Variants in NDNF observed in about 807,000 individuals in gnomAD.
The protein encoded by NDNF is protein NDNF.
NDNF carries 16 observed loss-of-function variants against 42.0 expected under a neutral mutation model. That is an observed-to-expected ratio of 0.38 (90% confidence interval 0.26 to 0.58). The LOEUF (loss-of-function observed/expected upper bound fraction) is 0.58. Among genes scored for constraint, NDNF ranks in the 20% least tolerant of loss-of-function variants. NDNF has a pLI of 0.67. For synonymous variants in NDNF, 248 were observed against 251.7 expected (o/e 0.99, Z 0.14); for missense variants, 616 against 666.2 (o/e 0.92, Z 0.83).
At chr4:121,056,450 T>C (rs541682157) in intron 1 of NDNF, among the ~76,000 whole-genome samples, 1 of 152,316 alleles carries the variant, frequency 6.6e-6, no homozygotes, top group South Asian at 2.1e-4. Context: ...TGTTAAATGC[T>C]CACTAAATAC....
intron 2 of NDNF, among the ~76,000 whole-genome samples, chr4:121,041,314 A>C (rs1726993562): frequency 6.6e-6 from 1 of 152,188 alleles, no homozygotes; most frequent in South Asian, 2.1e-4. Flanking sequence ...GATTCCATGC[A>C]GAGAAAAGCA....
chr4:121,046,917 CCT>C (rs748619894), intron 1 of NDNF, among the ~76,000 whole-genome samples: 1 of 151,794 alleles, frequency 6.6e-6, no homozygotes, highest in Non-Finnish European at 1.5e-5. Flanking sequence ...ATTTTTTTTT[CCT>C]CACAGAAAGA....
chr4:121,066,375 T>C (rs551148512), intron 1 of NDNF, among the ~76,000 whole-genome samples: 7 of 152,228 alleles, frequency 4.6e-5, no homozygotes, highest in South Asian at 4.2e-4. Context: ...ATATTTCTAA[T>C]ATATAAATTA....
At chr4:121,042,430 CAAAT>C (rs1727014363) in intron 2 of NDNF, among the ~76,000 whole-genome samples, 1 of 152,200 alleles carries the variant, frequency 6.6e-6, no homozygotes, top group Non-Finnish European at 1.5e-5. Context: ...TGTGGGCAGA[CAAAT>C]AAAGTGAAGA....
At chr4:121,054,066 A>AT (rs1266004630) in intron 1 of NDNF, among the ~76,000 whole-genome samples, 2 of 152,172 alleles carry the variant, frequency 1.3e-5, no homozygotes, top group Non-Finnish European at 2.9e-5. Context: ...TAAAAATTTG[A>AT]TTTTTTATAG....
At chr4:121,049,780 C>A (rs1316261880) in intron 1 of NDNF, among the ~76,000 whole-genome samples, 1 of 152,156 alleles carries the variant, frequency 6.6e-6, no homozygotes, top group Non-Finnish European at 1.5e-5. Flanking sequence ...ATTTCCCAAA[C>A]TAAAATTCCA....
In NDNF at chr4:121,044,485, A is replaced by G. The variant is rs1391774647; in HGVS notation, c.188+1165T>C. Among the ~76,000 whole-genome samples, 4 of 151,052 alleles carry G rather than the reference A, an allele frequency of 2.6e-5. No homozygotes were observed. In the East Asian group the frequency reaches 7.7e-4, roughly 29 times the overall value. On this transcript the variant is annotated intron_variant, in intron 2 of 3. Coordinates refer to ENST00000379692, the MANE Select transcript of NDNF (RefSeq NM_024574.4). ...AAAATAGGTAACTTTAAATGTAATTAATTTATAACATATTATTTTTATTTT... is the reference window on the plus strand; with the variant it reads ...AAAATAGGTAACTTTAAATGTAATTGATTTATAACATATTATTTTTATTTT...
intron 2 of NDNF, among the ~76,000 whole-genome samples, chr4:121,044,920 C>G (rs777677250): frequency 2.6e-5 from 4 of 152,184 alleles, no homozygotes; most frequent in East Asian, 3.8e-4. Flanking sequence ...GAGCCATGAC[C>G]GTGCTACTGC....
intron 1 of NDNF, among the ~76,000 whole-genome samples, chr4:121,051,372 A>G (rs1727191175): frequency 1.3e-5 from 2 of 152,192 alleles, no homozygotes; most frequent in Non-Finnish European, 2.9e-5. Flanking sequence ...TTTCTTTAGC[A>G]TTAATTTAAA....
chr4:121,057,097 T>TAA (rs1339445395), intron 1 of NDNF, among the ~76,000 whole-genome samples: 1 of 151,994 alleles, frequency 6.6e-6, no homozygotes, highest in Non-Finnish European at 1.5e-5. Context: ...ATAAGAGGGA[T>TAA]GAAAAACAAG....
intron 1 of NDNF, among the ~76,000 whole-genome samples, chr4:121,047,997 G>A (rs1308802007): frequency 6.6e-6 from 1 of 152,214 alleles, no homozygotes; most frequent in East Asian, 1.9e-4. Context: ...GGACATGGTG[G>A]ACTGACCTGA....
At chr4:121,051,108 T>G (rs1048324368) in intron 1 of NDNF, among the ~76,000 whole-genome samples, 1 of 152,114 alleles carries the variant, frequency 6.6e-6, no homozygotes, top group African/African-American at 2.4e-5. Context: ...GAGGAAACTT[T>G]TAAATATAAA....
Position 121,039,990 on chromosome 4 carries a change from G to A in NDNF, c.253C>T (p.Pro85Ser). 6.2e-7 allele frequency: 1 copy of A among 1,614,012 alleles called. No individual in the cohort carries two copies. Reference sequence around the variant, plus strand: ...TGGAGGCTCAGCTTCCACTCCAAAGGCGCATCACAGGGCGTCACTGTGACT... The same window carrying A: ...TGGAGGCTCAGCTTCCACTCCAAAGACGCATCACAGGGCGTCACTGTGACT... ...LSVTVTPCDA[P>S]LEWKLSLQEL... The change falls in exon 3 of 4, where the codon CCT (proline) becomes TCT (serine). Residue 85 changes from proline (P) to serine (S), a missense_variant. By Grantham distance (74) the Pro-to-Ser change is moderately conservative. Coordinates refer to ENST00000379692, the MANE Select transcript of NDNF (RefSeq NM_024574.4).
chr4:121,065,221 A>G (rs542082858), intron 1 of NDNF, among the ~76,000 whole-genome samples: 1 of 152,228 alleles, frequency 6.6e-6, no homozygotes, highest in African/African-American at 2.4e-5. Flanking sequence ...TTGATATAGT[A>G]TTAAGTAATA....
At chr4:121,057,472 G>A (rs1038020842) in intron 1 of NDNF, among the ~76,000 whole-genome samples, 8 of 152,164 alleles carry the variant, frequency 5.3e-5, no homozygotes, top group African/African-American at 1.9e-4. Context: ...AAGCCACAGG[G>A]ACTGGAAGAC....
chr4:121,047,435 C>A (rs1727113276), intron 1 of NDNF, among the ~76,000 whole-genome samples: 1 of 152,126 alleles, frequency 6.6e-6, no homozygotes, highest in African/African-American at 2.4e-5. Flanking sequence ...CTATCCTATG[C>A]AAAAACAAAA....
chr4:121,060,675 A>G (rs1727389456), intron 1 of NDNF, among the ~76,000 whole-genome samples: 1 of 152,116 alleles, frequency 6.6e-6, no homozygotes, highest in Non-Finnish European at 1.5e-5. Context: ...TCAAGAAGAA[A>G]CCATTTATTA....
chr4:121,045,948 C>G lies in NDNF; in HGVS notation c.-1-110G>C, dbSNP rs549284558. 14 of 994,866 alleles carry G rather than the reference C, an allele frequency of 1.4e-5. No individual in the cohort carries two copies. The African/African-American group carries it at 2.3e-4, about 16-fold the overall frequency. The allele number at this position is 994,866 out of a possible 1,614,324, so 61.6% of individuals were successfully genotyped here. ...TTTAGCTTTGATGGAAATTTAGGGA[C>G]GCATCATGTATTTTGGATACATACA... On this transcript the variant is annotated intron_variant, in intron 1 of 3. Coordinates refer to ENST00000379692, the MANE Select transcript of NDNF (RefSeq NM_024574.4).
At chr4:121,057,368 G>C (rs923036447) in intron 1 of NDNF, among the ~76,000 whole-genome samples, 10 of 152,192 alleles carry the variant, frequency 6.6e-5, no homozygotes, top group Non-Finnish European at 1.2e-4. Context: ...AGAGACAGCA[G>C]AAAGACAAAC....
Sources: gnomAD v4.1 joint callset for allele counts (sites outside exome capture counted in the v4.1 genomes callset) on GRCh38, gnomAD v4.1.1 for gene constraint, MANE v1.5 for transcripts, NCBI Gene and HGNC (gene_info 2026-07-23, HGNC 2026-07-21) for gene names.